Variants in AMZ1 observed in about 807,000 individuals in gnomAD.
The protein encoded by AMZ1 is archaelysin family metallopeptidase 1, also known as archaemetzincin-1.
AMZ1 carries 39 observed loss-of-function variants against 29.9 expected under a neutral mutation model. The ratio of observed to expected loss-of-function variants is 1.30; its 90% CI spans 1.01 to 1.70. The LOEUF is 1.70. AMZ1 is among the 40% of genes most tolerant of loss of function. AMZ1 has a pLI of 0.00. For synonymous variants in AMZ1, 458 were observed against 304.0 expected (o/e 1.51, Z -5.27); for missense variants, 1,041 against 680.6 (o/e 1.53, Z -5.89).
intron 4 of AMZ1, among the ~76,000 whole-genome samples, chr7:2,735,115 T>C (rs1198454411): frequency 4.0e-5 from 6 of 151,864 alleles, no homozygotes; most frequent in African/African-American, 1.5e-4. Flanking sequence ...GTGCACTCAC[T>C]CCCTGATTTA....
At chr7:2,701,362 C>G (rs111527542) in intron 2 of AMZ1, among the ~76,000 whole-genome samples, 9 of 152,236 alleles carry the variant, frequency 5.9e-5, no homozygotes, top group African/African-American at 2.2e-4. Flanking sequence ...AGGGACGGGA[C>G]TGGAACGCAG....
chr7:2,750,850 G>C (rs962505208), intron 4 of AMZ1, among the ~76,000 whole-genome samples: 1 of 152,192 alleles, frequency 6.6e-6, no homozygotes. Flanking sequence ...AAGTTTTAGA[G>C]TTATCAGCTT....
chr7:2,700,857 A>C, intron 2 of AMZ1, 102 bp downstream of exon 2: 2 of 1,444,980 alleles, frequency 1.4e-6, no homozygotes, highest in Non-Finnish European at 1.9e-6. Flanking sequence ...GACTGAAATG[A>C]GGGAAGAGGG....
upstream of AMZ1, chr7:2,762,906 G>C: frequency 7.0e-7 from 1 of 1,421,206 alleles, no homozygotes; most frequent in African/African-American, 1.5e-5. Flanking sequence ...GCGGCGGGGA[G>C]AAGAGGCCAC....
chr7:2,681,024 G>A (rs1052739572), intron 1 of AMZ1, among the ~76,000 whole-genome samples: 6 of 152,240 alleles, frequency 3.9e-5, no homozygotes, highest in Non-Finnish European at 7.3e-5. Context: ...CTTCCAGGAC[G>A]CTGAGCACCG....
In AMZ1 at chr7:2,717,070, C is replaced by A. The variant is rs924600446; in HGVS notation, c.*4192C>A. Among the ~76,000 whole-genome samples, 1 of 152,156 alleles carries A rather than the reference C, an allele frequency of 6.6e-6. No individual in the cohort carries two copies. Among genetic ancestry groups the A allele is most frequent in the Non-Finnish European group, 1.5e-5 (1 of 68,044 alleles). On this transcript the variant is annotated 3_prime_UTR_variant, in exon 7 of 7. Coordinates refer to ENST00000683327, the MANE Select transcript of AMZ1 (RefSeq NM_001384743.1). ...TGATCCCTGAGCAGCCCCCACACAC[C>A]GGCACCCACGCCCCTCGGTTCTGAT...
At chr7:2,758,617 C>T (rs1346797346) in intron 4 of AMZ1, among the ~76,000 whole-genome samples, 1 of 152,134 alleles carries the variant, frequency 6.6e-6, no homozygotes, top group East Asian at 1.9e-4. Flanking sequence ...TTCAAGGAAC[C>T]TGGGGGAACC....
chr7:2,732,768 C>T (rs1010183643), intron 4 of AMZ1, among the ~76,000 whole-genome samples: 3 of 152,112 alleles, frequency 2.0e-5, no homozygotes, highest in African/African-American at 7.2e-5. Flanking sequence ...AGAAACCCTA[C>T]AGGATAAATA....
intron 4 of AMZ1, among the ~76,000 whole-genome samples, chr7:2,751,220 C>CA (rs958951316): frequency 1.1e-4 from 17 of 151,188 alleles, no homozygotes; most frequent in Admixed American, 2.6e-4. Context: ...CCCATCTTCT[C>CA]AAAAAAAACC....
At chr7:2,692,036 G>C (rs1787420399) in intron 1 of AMZ1, among the ~76,000 whole-genome samples, 1 of 152,254 alleles carries the variant, frequency 6.6e-6, no homozygotes. Context: ...GGCAGTGCTG[G>C]TGAGTGGAAG....
chr7:2,683,930 C>T (rs6949711), upstream of AMZ1, among the ~76,000 whole-genome samples: 7,344 of 151,944 alleles, frequency 0.048, 615 homozygotes, highest in African/African-American at 0.17. Flanking sequence ...ATAATCCCAG[C>T]ACTTTGGGAG....
chr7:2,761,254 C>T (rs1791540673), upstream of AMZ1, among the ~76,000 whole-genome samples: 1 of 152,138 alleles, frequency 6.6e-6, no homozygotes, highest in African/African-American at 2.4e-5. Context: ...ATGGCACAGT[C>T]CCCCTCTGGG....
chr7:2,762,547 TG>T, upstream of AMZ1: 1 of 1,327,242 alleles, frequency 7.5e-7, no homozygotes, highest in Non-Finnish European at 1.0e-6. Context: ...CCTTCTATTC[TG>T]GAGTTAGATC....
Position 2,713,110 on chromosome 7 carries a change from T to C in AMZ1, c.*232T>C. 1 of 405,254 alleles carries C rather than the reference T, an allele frequency of 2.5e-6. No individual in the cohort carries two copies. The highest frequency in any genetic ancestry group is 8.5e-5 in the South Asian group (1 of 11,738). 25.1% of individuals were successfully genotyped at this position (405,254 alleles called of 1,614,324 possible). ...TTAAAAAATTAGCTGGATGAAGTGG[T>C]TCATGCCTGTGTTCCCAGCTATTCA... is the stretch of plus-strand genomic sequence containing the variant. On this transcript the variant is annotated 3_prime_UTR_variant, in exon 7 of 7. Coordinates refer to ENST00000683327, the MANE Select transcript of AMZ1 (RefSeq NM_001384743.1).
Position 2,712,412 on chromosome 7 carries a change from C to G in AMZ1, c.1031C>G (p.Pro344Arg), listed in dbSNP as rs141545439. Reference protein sequence around the residue: ...AGEPSVWEDTPPASADSGMCC... With the variant: ...AGEPSVWEDTRPASADSGMCC... Reference sequence around the variant, plus strand: ...GAGCCGTCAGTGTGGGAGGACACCCCGCCTGCCAGCGCCGACTCGGGCATG... The same window carrying G: ...GAGCCGTCAGTGTGGGAGGACACCCGGCCTGCCAGCGCCGACTCGGGCATG... Residue 344 changes from proline (P) to arginine (R), a missense_variant, in exon 7 of 7, where the codon CCG becomes CGG. Physicochemically the swap from Pro to Arg is moderately radical, Grantham distance 103. Transcript: ENST00000683327. The G allele has an allele frequency of 6.8e-6, 11 of 1,611,372 alleles. No individual in the cohort carries two copies. Among genetic ancestry groups the G allele is most frequent in the East Asian group, 4.5e-5 (2 of 44,870 alleles).
At chr7:2,740,369 C>A (rs986662861) in intron 4 of AMZ1, among the ~76,000 whole-genome samples, 6 of 152,090 alleles carry the variant, frequency 3.9e-5, no homozygotes, top group Non-Finnish European at 7.4e-5. Flanking sequence ...TAAGAAGAGA[C>A]CGGAGAGCTC....
At chr7:2,704,640 A>T (rs1423772825) in intron 3 of AMZ1, among the ~76,000 whole-genome samples, 1 of 120,728 alleles carries the variant, frequency 8.3e-6, no homozygotes, top group African/African-American at 3.4e-5. Flanking sequence ...TGTGTCACCC[A>T]GGCTGGAGTG....
At chr7:2,759,467 A>C (rs1040881720) in intron 4 of AMZ1, among the ~76,000 whole-genome samples, 1 of 152,218 alleles carries the variant, frequency 6.6e-6, no homozygotes, top group Admixed American at 6.5e-5. Context: ...TGGTTAAATA[A>C]CATGCCCAAG....
At chr7:2,684,939 A>T (rs376567743), upstream of AMZ1, among the ~76,000 whole-genome samples, 4 of 142,798 alleles carry the variant, frequency 2.8e-5, no homozygotes, top group African/African-American at 1.1e-4. Context: ...GCGCGATCTC[A>T]GCTCACTGCA....
Sources: gnomAD v4.1 joint callset for allele counts (sites outside exome capture counted in the v4.1 genomes callset) on GRCh38, gnomAD v4.1.1 for gene constraint, MANE v1.5 for transcripts, NCBI Gene and HGNC (gene_info 2026-07-23, HGNC 2026-07-21) for gene names.